ARL15: variants seen among roughly 807,000 people sequenced by gnomAD.
ARL15 encodes ADP-ribosylation factor-like protein 15.
A neutral mutation model predicts 25.2 loss-of-function variants in ARL15; 19 were observed. That is an observed-to-expected ratio of 0.75 (90% confidence interval 0.53 to 1.10). The LOEUF (loss-of-function observed/expected upper bound fraction) is 1.10, where lower values mean the gene tolerates loss of function less well. Ranked by LOEUF, ARL15 falls within the 50% of genes least tolerant of loss-of-function variation. The probability of loss-of-function intolerance (pLI) is 0.00; values close to 1 mark genes in which losing one functional copy is unlikely to be tolerated. For missense variants in ARL15, 220 were observed against 246.0 expected, an observed-to-expected ratio of 0.89 and a Z score of 0.71; for synonymous variants, 94 against 86.8, an observed-to-expected ratio of 1.08 and a Z score of -0.46.
chr5:54,055,559 C>T (rs1750841287), intron 4 of ARL15, among the ~76,000 whole-genome samples: 1 of 152,000 alleles, frequency 6.6e-6, no homozygotes, highest in Non-Finnish European at 1.5e-5. Context: ...CGAGGTTTCA[C>T]CATGTTGGCT....
chr5:54,116,431 G>A (rs1044442269), intron 3 of ARL15, among the ~76,000 whole-genome samples: 4 of 152,198 alleles, frequency 2.6e-5, no homozygotes, highest in South Asian at 2.1e-4. Context: ...AGTGTTACTC[G>A]GTGGTAAGTG....
At chr5:53,969,797 T>C (rs796540475) in intron 4 of ARL15, among the ~76,000 whole-genome samples, 5 of 152,084 alleles carry the variant, frequency 3.3e-5, no homozygotes, top group African/African-American at 1.2e-4. Context: ...TTTGTTTCAA[T>C]AATAAAAATG....
At chr5:54,262,368 A>C (rs902440112) in intron 1 of ARL15, among the ~76,000 whole-genome samples, 2 of 152,188 alleles carry the variant, frequency 1.3e-5, no homozygotes, top group Non-Finnish European at 2.9e-5. Flanking sequence ...ATTTTACCCC[A>C]GGTCATTCAA....
At chr5:53,973,325 G>A (rs1021604522) in intron 4 of ARL15, among the ~76,000 whole-genome samples, 29 of 151,992 alleles carry the variant, frequency 1.9e-4, no homozygotes, top group African/African-American at 7.0e-4. Context: ...TGTAATCCCA[G>A]CACTTTGGGA....
Position 53,958,530 on chromosome 5 carries a change from A to G in ARL15, c.463-71817T>C, listed in dbSNP as rs377416309. On this transcript the variant is annotated intron_variant, in intron 4 of 4. Transcript: ENST00000504924. ...GGAATGACAAAAATGTGTAAGACATACAGAAAACAAATAGCAAAAAGGTTA... is the reference window on the plus strand; with the variant it reads ...GGAATGACAAAAATGTGTAAGACATGCAGAAAACAAATAGCAAAAAGGTTA... Among the ~76,000 whole-genome samples, 162 of 152,354 alleles carry G rather than the reference A, an allele frequency of 1.1e-3. 2 individuals carry two copies. Among genetic ancestry groups the G allele is most frequent in the African/African-American group, 3.6e-3 (151 of 41,594 alleles).
In ARL15 at chr5:54,113,395, C is replaced by T. The variant is rs1300183660; in HGVS notation, c.269G>A (p.Arg90Gln). The T allele has an allele frequency of 9.3e-6, 15 of 1,613,652 alleles. No individual in the cohort carries two copies. The highest frequency in any genetic ancestry group is 1.3e-5 in the African/African-American group (1 of 75,028). ...VKELGGADNI[R>Q]KYWSRYYQGS... ...TTGGTAGTAGCGGCTCCAGTATTTC[C>T]GGATGTTATCAGCCCCTGTCAAAAA... The change falls in exon 4 of 5, where the codon CGG becomes CAG. Residue 90 changes from arginine to glutamine, a missense_variant. Arg to Gln is a conservative substitution (Grantham distance 43). Coordinates refer to ENST00000504924, the MANE Select transcript of ARL15 (RefSeq NM_019087.3).
At chr5:54,161,364 C>T (rs1394470737) in intron 2 of ARL15, among the ~76,000 whole-genome samples, 1 of 151,892 alleles carries the variant, frequency 6.6e-6, no homozygotes, top group Non-Finnish European at 1.5e-5. Context: ...AAGAAAAATG[C>T]TTTCCAAAAA....
At chr5:54,153,521 T>C (rs768989806) in intron 3 of ARL15, among the ~76,000 whole-genome samples, 1 of 152,230 alleles carries the variant, frequency 6.6e-6, no homozygotes, top group Non-Finnish European at 1.5e-5. Flanking sequence ...AGAACATTCA[T>C]GTTTTATAAT....
intron 1 of ARL15, among the ~76,000 whole-genome samples, chr5:54,301,298 A>G (rs148115017): frequency 1.3e-5 from 2 of 152,336 alleles, no homozygotes; most frequent in Non-Finnish European, 2.9e-5. Context: ...ATAGAGCATT[A>G]TGTTACAATT....
chr5:54,150,934 TG>T (rs1754048958), intron 3 of ARL15, among the ~76,000 whole-genome samples: 1 of 148,992 alleles, frequency 6.7e-6, no homozygotes, highest in East Asian at 2.0e-4. Flanking sequence ...AAATAACAGG[TG>T]GGAGCACTTC....
intron 3 of ARL15, among the ~76,000 whole-genome samples, chr5:54,120,650 T>C (rs1161101049): frequency 1.3e-5 from 2 of 152,168 alleles, no homozygotes; most frequent in Non-Finnish European, 2.9e-5. Context: ...CTTGCATAGT[T>C]CCAAATGTTT....
chr5:53,966,141 T>C (rs1476378522), intron 4 of ARL15, among the ~76,000 whole-genome samples: 1 of 152,062 alleles, frequency 6.6e-6, no homozygotes, highest in Non-Finnish European at 1.5e-5. Flanking sequence ...TGCAGCCCCA[T>C]CCTCCAACCT....
chr5:54,065,935 TTTG>T lies in ARL15; in HGVS notation c.462+47264_462+47266del, dbSNP rs1212244089. On this transcript the variant is annotated intron_variant, in intron 4 of 4. Transcript: ENST00000504924. ...ATTTAGATTACATACATGGCTCACA[TTTG>T]TGGTCTGCATTACATTTGGATCAAT... is the stretch of plus-strand genomic sequence containing the variant. Among the ~76,000 whole-genome samples, 13 of 152,346 alleles carry T rather than the reference TTTG, an allele frequency of 8.5e-5. No homozygotes were observed. In the East Asian group the frequency reaches 1.3e-3, roughly 16 times the overall value.
At chr5:53,973,142 G>A (rs1168275786) in intron 4 of ARL15, among the ~76,000 whole-genome samples, 1 of 152,160 alleles carries the variant, frequency 6.6e-6, no homozygotes, top group Non-Finnish European at 1.5e-5. Context: ...AGCCGAGTAT[G>A]AGAAATCGAA....
At chr5:53,896,586 C>G (rs781557905) in intron 4 of ARL15, among the ~76,000 whole-genome samples, 1 of 152,058 alleles carries the variant, frequency 6.6e-6, no homozygotes, top group African/African-American at 2.4e-5. Context: ...CTCCACCTCC[C>G]GGGTTGTTCA....
At chr5:54,244,736 CATT>C (rs560710996) in intron 1 of ARL15, among the ~76,000 whole-genome samples, 1 of 151,944 alleles carries the variant, frequency 6.6e-6, no homozygotes, top group Non-Finnish European at 1.5e-5. Flanking sequence ...CCCTCCCCAT[CATT>C]ATCACCATTA....
At chr5:54,181,751 T>G (rs932778693) in intron 1 of ARL15, among the ~76,000 whole-genome samples, 1 of 152,066 alleles carries the variant, frequency 6.6e-6, no homozygotes, top group African/African-American at 2.4e-5. Flanking sequence ...CTGATGAACA[T>G]AGCGAGACCC....
At chr5:54,154,439 A>G (rs1754159725) in intron 3 of ARL15, 141 bp downstream of exon 3, 1 of 603,030 alleles carries the variant, frequency 1.7e-6, no homozygotes, top group Admixed American at 4.0e-5. Context: ...AGAAGGAAAT[A>G]TTTCTAGGAA....
chr5:54,247,548 C>A (rs1579949127), intron 1 of ARL15, among the ~76,000 whole-genome samples: 3 of 141,584 alleles, frequency 2.1e-5, no homozygotes, highest in African/African-American at 2.6e-5. Flanking sequence ...TTTCAAACTC[C>A]AAAACACAAA....
Sources: gnomAD v4.1 joint callset for allele counts (sites outside exome capture counted in the v4.1 genomes callset) on GRCh38, gnomAD v4.1.1 for gene constraint, MANE v1.5 for transcripts, NCBI Gene and HGNC (gene_info 2026-07-23, HGNC 2026-07-21) for gene names.